The following ALPK2 variants were observed in gnomAD, a reference collection of about 807,000 sequenced individuals.
ALPK2 encodes alpha kinase 2, also known as alpha-protein kinase 2.
In ALPK2, 127 loss-of-function variants were observed where a neutral mutation model predicts 163.1. That is an observed-to-expected ratio of 0.78 (90% CI 0.67 to 0.90). ALPK2 has a LOEUF of 0.90. Among genes scored for constraint, ALPK2 ranks in the 40% least tolerant of loss-of-function variants. ALPK2 has a pLI of 0.00. For synonymous variants in ALPK2, 953 were observed against 959.1 expected (o/e 0.99, Z 0.12); for missense variants, 2,360 against 2,589.6 (o/e 0.91, Z 1.92).
chr18:58,560,399 A>C (rs1258967429), intron 4 of ALPK2, among the ~76,000 whole-genome samples: 2 of 152,212 alleles, frequency 1.3e-5, no homozygotes, highest in Admixed American at 1.3e-4. Context: ...ATGAAAACTA[A>C]TACAGGGAGA....
chr18:58,578,733 G>GACACACAAACACACACAC, intron 4 of ALPK2, 81 bp downstream of exon 4: 1 of 530,150 alleles, frequency 1.9e-6, no homozygotes. Flanking sequence ...TAAAGGAAGA[G>GACACACAAACACACACAC]ACACACACAC....
intron 10 of ALPK2, among the ~76,000 whole-genome samples, chr18:58,513,624 G>A (rs1042590067): frequency 6.6e-5 from 10 of 152,082 alleles, no homozygotes; most frequent in Non-Finnish European, 1.3e-4. Flanking sequence ...TGCCTATAAC[G>A]CCAGCACTCT....
intron 1 of ALPK2, among the ~76,000 whole-genome samples, chr18:58,624,985 C>T (rs1035965585): frequency 1.5e-4 from 23 of 152,160 alleles, no homozygotes; most frequent in African/African-American, 5.6e-4. Context: ...GTGTGAAAAG[C>T]GTAGCCCAAC....
At position 58,580,542 on chromosome 18, in the gene ALPK2, G is replaced by C; in HGVS notation, c.234C>G (p.Thr78=). Residue 78 remains threonine (T), a synonymous_variant, in exon 4 of 13, where the codon ACC becomes ACG. Coordinates refer to ENST00000361673, the MANE Select transcript of ALPK2 (RefSeq NM_052947.4). The part of the protein sequence containing the change: ...YIHVLHLSCC[T]KNDAAVYQIS... ...TTTGATAGACAGCAGCATCATTTTT[G>C]GTACAGCTAGGATGAAGAGAATATA... 6.2e-7 allele frequency: 1 copy of C among 1,612,444 alleles called. No individual in the cohort carries two copies. Among genetic ancestry groups the C allele is most frequent in the Non-Finnish European group, 8.5e-7 (1 of 1,179,186 alleles).
At chr18:58,547,505 T>A (rs184906725) in intron 4 of ALPK2, among the ~76,000 whole-genome samples, 4 of 152,322 alleles carry the variant, frequency 2.6e-5, no homozygotes, top group African/African-American at 9.6e-5. Flanking sequence ...GACTGCACTG[T>A]GTTGGCGTAT....
chr18:58,617,981 G>A (rs927320352), intron 1 of ALPK2, among the ~76,000 whole-genome samples: 2 of 152,160 alleles, frequency 1.3e-5, no homozygotes, highest in Non-Finnish European at 2.9e-5. Context: ...CACATAACTG[G>A]TCTCTAGCCT....
intron 4 of ALPK2, among the ~76,000 whole-genome samples, chr18:58,540,332 C>G (rs2144152094): frequency 6.6e-6 from 1 of 152,304 alleles, no homozygotes; most frequent in South Asian, 2.1e-4. Context: ...ACTTTGAACC[C>G]TAAGCACTAC....
Position 58,517,116 on chromosome 18 carries a change from C to A in ALPK2, c.5732G>T (p.Gly1911Val). The A allele has an allele frequency of 6.2e-7, 1 of 1,614,206 alleles. No individual in the cohort carries two copies. The highest frequency in any genetic ancestry group is 8.5e-7 in the Non-Finnish European group (1 of 1,180,032). The stretch of plus-strand genomic sequence containing the variant: ...GGCGATCTGACCACGCAGGCGGCCC[C>A]CAAAGTAGCTGTCATGGAGGAAGTC... ...KEDFLHDSYF[G>V]GRLRGQIATE... Residue 1911 changes from glycine to valine, a missense_variant, in exon 9 of 13, where the codon GGG becomes GTG. Gly to Val is a moderately radical substitution (Grantham distance 109). Coordinates refer to ENST00000361673, the MANE Select transcript of ALPK2 (RefSeq NM_052947.4).
chr18:58,611,431 A>G (rs911340483), intron 2 of ALPK2, among the ~76,000 whole-genome samples: 6 of 152,226 alleles, frequency 3.9e-5, no homozygotes, highest in African/African-American at 1.4e-4. Flanking sequence ...GATTATCTGA[A>G]AAAAATAACC....
At chr18:58,497,800 A>G (rs2051408764) in intron 12 of ALPK2, among the ~76,000 whole-genome samples, 1 of 152,220 alleles carries the variant, frequency 6.6e-6, no homozygotes, top group African/African-American at 2.4e-5. Flanking sequence ...CCTATTGGTT[A>G]TTAATCTTGA....
At chr18:58,556,863 G>A (rs187208017) in intron 4 of ALPK2, among the ~76,000 whole-genome samples, 102 of 152,302 alleles carry the variant, frequency 6.7e-4, no homozygotes, top group South Asian at 1.9e-3. Context: ...TCTCTTCATT[G>A]CAGACATGAG....
rs76726049 is a variant in ALPK2 at position 58,522,227 on chromosome 18, T to C, written c.5665+1579A>G. Reference sequence around the variant, plus strand: ...GCCTTCTGCAGCTCCTGAGAGCTGATGACGGGCGGCTCTTCCCAGTCCCAT... The same window carrying C: ...GCCTTCTGCAGCTCCTGAGAGCTGACGACGGGCGGCTCTTCCCAGTCCCAT... On this transcript the variant is annotated intron_variant, in intron 8 of 12. Coordinates refer to ENST00000361673, the MANE Select transcript of ALPK2 (RefSeq NM_052947.4). Among the ~76,000 whole-genome samples the C allele has an allele frequency of 9.2e-3, 1,404 of 152,300 alleles. 14 individuals are homozygous for C. Among genetic ancestry groups the C allele is most frequent in the Non-Finnish European group, 0.014 (978 of 68,026 alleles).
intron 4 of ALPK2, among the ~76,000 whole-genome samples, chr18:58,552,534 A>G (rs2051765354): frequency 6.6e-6 from 1 of 152,244 alleles, no homozygotes; most frequent in Non-Finnish European, 1.5e-5. Flanking sequence ...AAGGAAAGAT[A>G]CAGAATCAAT....
At chr18:58,510,137 A>T (rs2051482551) in intron 10 of ALPK2, among the ~76,000 whole-genome samples, 1 of 152,210 alleles carries the variant, frequency 6.6e-6, no homozygotes, top group African/African-American at 2.4e-5. Flanking sequence ...TTTATTAAAT[A>T]GGGAATCCTT....
At chr18:58,563,143 T>C (rs2051833690) in intron 4 of ALPK2, among the ~76,000 whole-genome samples, 1 of 149,250 alleles carries the variant, frequency 6.7e-6, no homozygotes, top group Non-Finnish European at 1.5e-5. Context: ...GATATCCATA[T>C]CTATTGGCTC....
chr18:58,524,080 C>A lies in ALPK2; in HGVS notation c.5502-18G>T, dbSNP rs780672637. The A allele has an allele frequency of 6.9e-6, 11 of 1,599,006 alleles. No individual in the cohort carries two copies. The East Asian group carries it at 2.5e-4, about 36-fold the overall frequency. ...CCCCTGCACTGCAATGAGGAATATT[C>A]ACATTGACACACTTCATCATTCTAC... On this transcript the variant is annotated intron_variant, in intron 6 of 12. Transcript: ENST00000361673.
In ALPK2 at chr18:58,577,105, T is replaced by C. The variant is rs1442588517; in HGVS notation, c.1962+1709A>G. 2.0e-5 allele frequency among the ~76,000 whole-genome samples: 3 copies of C among 152,234 alleles called. No homozygotes were observed. The East Asian group carries it at 5.8e-4, about 29-fold the overall frequency. On this transcript the variant is annotated intron_variant, in intron 4 of 12. Coordinates refer to ENST00000361673, the MANE Select transcript of ALPK2 (RefSeq NM_052947.4). Reference sequence around the variant, plus strand: ...CCTTCCATAGAGTACATGAGATAGATGACCTGGGTCCCAGAAATGGCCCAT... The same window carrying C: ...CCTTCCATAGAGTACATGAGATAGACGACCTGGGTCCCAGAAATGGCCCAT...
Position 58,537,054 on chromosome 18 carries a change from G to A in ALPK2, c.3133C>T (p.His1045Tyr). ...GAAGGAAATTGGGAAACCTTTTCAT[G>A]GGATGCACGAGGGAACCTCTCCTCA... ...GTEERFPRASHEKVSQFPSQV... is the reference protein window; with the variant it reads ...GTEERFPRASYEKVSQFPSQV... The change falls in exon 5 of 13, where the codon CAT becomes TAT. Residue 1045 changes from histidine to tyrosine, a missense_variant. His to Tyr is a moderately conservative substitution (Grantham distance 83). Transcript: ENST00000361673. 6.2e-7 allele frequency: 1 copy of A among 1,613,876 alleles called. No individual in the cohort carries two copies.
intron 8 of ALPK2, among the ~76,000 whole-genome samples, chr18:58,523,380 T>C (rs1419380378): frequency 1.3e-5 from 2 of 152,170 alleles, no homozygotes; most frequent in Non-Finnish European, 2.9e-5. Flanking sequence ...AACATACGTG[T>C]GCATGTGTCT....
Sources: allele counts gnomAD v4.1 joint callset (sites outside exome capture counted in the v4.1 genomes callset), GRCh38; gene constraint gnomAD v4.1.1; transcripts MANE v1.5; gene names NCBI Gene and HGNC (gene_info 2026-07-23, HGNC 2026-07-21).